RALYL: variants seen among roughly 807,000 people sequenced by gnomAD.
RALYL encodes the protein RALY RNA binding protein like.
A neutral mutation model predicts 35.1 loss-of-function variants in RALYL; 29 were observed. That is an observed-to-expected ratio of 0.83 (90% CI 0.61 to 1.13). RALYL has a LOEUF of 1.13. Among genes scored for constraint, RALYL ranks in the 50% most tolerant of loss-of-function variants. The pLI, the probability that RALYL is intolerant of heterozygous loss-of-function variation, is 0.00. For missense variants in RALYL, 359 were observed against 360.4 expected (o/e 1.00, Z 0.03); for synonymous variants, 120 against 127.6 (o/e 0.94, Z 0.40).
rs539086988 is a variant in RALYL, at chr8:84,704,539, A to T, written c.257-70040A>T. ...AGAGCCTACTTTGTGCCAGGCATTGATCTAACCTCTGGACATACATCTCTG... is the reference window on the plus strand; with the variant it reads ...AGAGCCTACTTTGTGCCAGGCATTGTTCTAACCTCTGGACATACATCTCTG... On this transcript the variant is annotated intron_variant, in intron 2 of 8. Transcript: ENST00000521268. Among the ~76,000 whole-genome samples, 5 of 151,948 alleles carry T rather than the reference A, an allele frequency of 3.3e-5. No individual in the cohort carries two copies. The South Asian group carries it at 1.0e-3, about 32-fold the overall frequency.
At chr8:84,621,162 G>A (rs1821319317) in intron 2 of RALYL, among the ~76,000 whole-genome samples, 1 of 152,162 alleles carries the variant, frequency 6.6e-6, no homozygotes, top group Non-Finnish European at 1.5e-5. Context: ...AGCACGCCTG[G>A]GCAATGGTGG....
intron 8 of RALYL, among the ~76,000 whole-genome samples, chr8:84,915,927 T>C (rs1848394584): frequency 6.6e-6 from 1 of 152,136 alleles, no homozygotes; most frequent in African/African-American, 2.4e-5. Flanking sequence ...TGCACTAACA[T>C]CTTCATTAAA....
intron 8 of RALYL, among the ~76,000 whole-genome samples, chr8:84,899,910 T>C (rs1015525880): frequency 2.0e-5 from 3 of 152,174 alleles, no homozygotes; most frequent in African/African-American, 7.2e-5. Context: ...AGAAAGTAAA[T>C]TTCAGAGGAT....
chr8:84,868,103 G>C (rs1020419610), intron 6 of RALYL, among the ~76,000 whole-genome samples: 7 of 152,136 alleles, frequency 4.6e-5, no homozygotes, highest in African/African-American at 9.7e-5. Flanking sequence ...GATGGGCAGT[G>C]GGGGGTAGGA....
At chr8:84,716,450 A>G (rs1028143466) in intron 2 of RALYL, among the ~76,000 whole-genome samples, 1 of 152,206 alleles carries the variant, frequency 6.6e-6, no homozygotes, top group African/African-American at 2.4e-5. Flanking sequence ...GGAAAAATTC[A>G]TTTACTTGGT....
intron 3 of RALYL, among the ~76,000 whole-genome samples, chr8:84,803,585 T>C (rs1312939930): frequency 6.6e-6 from 1 of 152,224 alleles, no homozygotes; most frequent in Non-Finnish European, 1.5e-5. Context: ...CTATTGGTTT[T>C]ATCTGCTTCT....
chr8:84,434,839 C>A (rs2047527565), intron 1 of RALYL, among the ~76,000 whole-genome samples: 1 of 152,086 alleles, frequency 6.6e-6, no homozygotes, highest in Admixed American at 6.6e-5. Context: ...TTTGTAGAGA[C>A]AAAGTCTTGC....
At chr8:84,610,730 G>T (rs887100873) in intron 2 of RALYL, among the ~76,000 whole-genome samples, 1 of 152,014 alleles carries the variant, frequency 6.6e-6, no homozygotes, top group South Asian at 2.1e-4. Context: ...TATCAGTATG[G>T]AATGATGGGT....
intron 4 of RALYL, among the ~76,000 whole-genome samples, chr8:84,838,972 A>G (rs1832609046): frequency 6.6e-6 from 1 of 152,164 alleles, no homozygotes; most frequent in Admixed American, 6.5e-5. Context: ...TATAAAAACA[A>G]TTTGGGGGCG....
chr8:84,782,687 G>A (rs1477243197), intron 3 of RALYL, among the ~76,000 whole-genome samples: 2 of 152,090 alleles, frequency 1.3e-5, no homozygotes, highest in African/African-American at 2.4e-5. Context: ...GGGGTATTGC[G>A]GTTAGAGCAC....
At chr8:84,520,396 T>A (rs1278520480) in intron 1 of RALYL, among the ~76,000 whole-genome samples, 1 of 152,234 alleles carries the variant, frequency 6.6e-6, no homozygotes, top group South Asian at 2.1e-4. Flanking sequence ...TTGAAATGAA[T>A]ACTTCTTAGT....
At chr8:84,807,836 G>A (rs1313439669) in intron 4 of RALYL, among the ~76,000 whole-genome samples, 1 of 152,012 alleles carries the variant, frequency 6.6e-6, no homozygotes, top group African/African-American at 2.4e-5. Context: ...ATCTATTCAT[G>A]TAATTAACCC....
intron 1 of RALYL, 59 bp from the exon 2 acceptor site, chr8:84,529,240 T>C: frequency 6.6e-7 from 1 of 1,522,472 alleles, no homozygotes; most frequent in Non-Finnish European, 8.9e-7. Flanking sequence ...CTGATACCCA[T>C]TCGATCTAAT....
At chr8:84,530,398 G>T (rs2059199455) in intron 2 of RALYL, among the ~76,000 whole-genome samples, 1 of 149,544 alleles carries the variant, frequency 6.7e-6, no homozygotes, top group Admixed American at 6.7e-5. Flanking sequence ...CATATGCCCA[G>T]AACAAAACCC....
rs111544886 is a variant in RALYL at position 84,656,865 on chromosome 8, C to A, written c.257-117714C>A. On this transcript the variant is annotated intron_variant, in intron 2 of 8. Transcript: ENST00000521268. ...TTTCCCATTAAATATCCAAAGTAGC[C>A]TGGAAATTTTCTATTTTGTGAGATT... Among the ~76,000 whole-genome samples the A allele has an allele frequency of 2.2e-3, 338 of 151,950 alleles. 1 individual carries two copies. The highest frequency in any genetic ancestry group is 7.7e-3 in the African/African-American group (318 of 41,464).
intron 1 of RALYL, among the ~76,000 whole-genome samples, chr8:84,497,627 G>T (rs1442715470): frequency 1.4e-4 from 19 of 135,696 alleles, no homozygotes; most frequent in Admixed American, 2.2e-4. Context: ...TGTTTTTTTT[G>T]TTGTTTTTGT....
chr8:84,190,404 T>A (rs1378143191), intron 1 of RALYL, among the ~76,000 whole-genome samples: 1 of 152,208 alleles, frequency 6.6e-6, no homozygotes, highest in South Asian at 2.1e-4. Context: ...ATTAGTTTCC[T>A]TGGAACTTGA....
At chr8:84,618,528 T>C (rs2131012012) in intron 2 of RALYL, among the ~76,000 whole-genome samples, 1 of 137,522 alleles carries the variant, frequency 7.3e-6, no homozygotes, top group East Asian at 2.1e-4. Flanking sequence ...ATTTTGTTGA[T>C]CCTTTCAAAA....
intron 1 of RALYL, among the ~76,000 whole-genome samples, chr8:84,447,700 CTT>C (rs2133110976): frequency 6.6e-6 from 1 of 152,078 alleles, no homozygotes; most frequent in African/African-American, 2.4e-5. Context: ...AATGAGGACA[CTT>C]TGTGGGAAGC....
Sources: gnomAD v4.1 joint callset for allele counts (sites outside exome capture counted in the v4.1 genomes callset) on GRCh38, gnomAD v4.1.1 for gene constraint, MANE v1.5 for transcripts, NCBI Gene and HGNC (gene_info 2026-07-23, HGNC 2026-07-21) for gene names.